The following FYCO1 variants were observed in gnomAD, a reference collection of about 807,000 sequenced individuals.
The protein encoded by FYCO1 is FYVE and coiled-coil domain-containing protein 1.
FYCO1 carries 122 observed loss-of-function variants against 165.1 expected under a neutral mutation model. The observed-to-expected ratio is 0.74, with a 90% CI of 0.64 to 0.86. The LOEUF is 0.86. Ranked by LOEUF, FYCO1 falls within the 40% of genes least tolerant of loss-of-function variation. The probability of loss-of-function intolerance (pLI) is 0.00; values close to 1 mark genes in which losing one functional copy is unlikely to be tolerated. For missense variants in FYCO1, 1,702 were observed against 1,810.3 expected, an observed-to-expected ratio of 0.94 and a Z score of 1.09; for synonymous variants, 648 against 742.5, an observed-to-expected ratio of 0.87 and a Z score of 2.07.
At chr3:45,947,096 C>A (rs1454195329) in intron 14 of FYCO1, 2 of 1,614,124 alleles carry the variant, frequency 1.2e-6, no homozygotes, top group Non-Finnish European at 1.7e-6. Context: ...TGCCACTGCT[C>A]ACCATGATTG....
chr3:45,973,762 T>A (rs188626409), intron 5 of FYCO1, among the ~76,000 whole-genome samples: 2 of 152,294 alleles, frequency 1.3e-5, no homozygotes, highest in Admixed American at 1.3e-4. Context: ...GTAACAAGAA[T>A]TTTAAAAAGA....
chr3:45,978,470 T>C lies in FYCO1; in HGVS notation c.288+1235A>G, dbSNP rs532747521. On this transcript the variant is annotated intron_variant, in intron 4 of 17. Coordinates refer to ENST00000296137, the MANE Select transcript of FYCO1 (RefSeq NM_024513.4). ...CGTCTCAGATGTCAGAGAGTGCAAA[T>C]GGTGGGAAATGTCCAGCCATTGATG... Among the ~76,000 whole-genome samples the C allele has an allele frequency of 2.6e-5, 4 of 152,250 alleles. No homozygotes were observed. The South Asian group carries it at 6.2e-4, about 24-fold the overall frequency.
intron 13 of FYCO1, among the ~76,000 whole-genome samples, chr3:45,955,851 T>C (rs1356763606): frequency 6.6e-6 from 1 of 152,210 alleles, no homozygotes; most frequent in African/African-American, 2.4e-5. Flanking sequence ...AATCCACTGA[T>C]GCGTGGGAAA....
intron 14 of FYCO1, among the ~76,000 whole-genome samples, chr3:45,953,970 A>G (rs965057887): frequency 9.9e-5 from 15 of 152,196 alleles, no homozygotes; most frequent in Non-Finnish European, 2.2e-4. Context: ...GTGTTTCCAA[A>G]AGATGAACTA....
intron 14 of FYCO1, among the ~76,000 whole-genome samples, chr3:45,943,758 C>G (rs577192784): frequency 3.3e-5 from 5 of 152,252 alleles, no homozygotes; most frequent in Non-Finnish European, 5.9e-5. Context: ...TTTCCAGGCA[C>G]ACAGTTAGTG....
chr3:45,947,715 G>C (rs1351702230), intron 14 of FYCO1: 1 of 558,894 alleles, frequency 1.8e-6, no homozygotes, highest in Non-Finnish European at 3.2e-6. Context: ...CCAAGTAGGG[G>C]GTCTAAAATT....
rs1437520022 is a variant in FYCO1, at chr3:45,973,211, C to A, written c.416G>T (p.Ser139Ile). The stretch of plus-strand genomic sequence containing the variant: ...GCTCAGCTTTGGCTGCAGAAAGGGG[C>A]TTCTTGCATAGTACCAGTCACTGCA... ...KVTSDWYYAR[S>I]PFLQPKLSSD... Residue 139 changes from serine (S) to isoleucine (I), a missense_variant, in exon 6 of 18, where the codon AGC (serine) becomes ATC (isoleucine). Coordinates refer to ENST00000296137, the MANE Select transcript of FYCO1 (RefSeq NM_024513.4). 1 of 1,614,176 alleles carries A rather than the reference C, an allele frequency of 6.2e-7. No homozygotes were observed.
At position 45,962,945 on chromosome 3, in the gene FYCO1, G is replaced by C. The variant is rs1705788506; in HGVS notation, c.3270-553C>G. 2.0e-5 allele frequency among the ~76,000 whole-genome samples: 3 copies of C among 152,100 alleles called. No homozygotes were observed. Among genetic ancestry groups the C allele is most frequent in the African/African-American group, 7.2e-5 (3 of 41,396 alleles). On this transcript the variant is annotated intron_variant, in intron 10 of 17. Transcript: ENST00000296137. The surrounding 1 kb of genome is among the most constrained non-coding windows in gnomAD (Gnocchi z 4.4). ...GGGAATTCCGTTTTGGGTGCTGCAG[G>C]GTGTCTCAGTCTATAGCAGAGGGAG... is the stretch of plus-strand genomic sequence containing the variant.
chr3:45,939,105 C>A (rs771886695), intron 14 of FYCO1, among the ~76,000 whole-genome samples: 2 of 152,222 alleles, frequency 1.3e-5, no homozygotes, highest in Non-Finnish European at 1.5e-5. Flanking sequence ...GATGGCATGC[C>A]ACCCTTTCCT....
chr3:45,966,475 C>T lies in FYCO1; in HGVS notation c.2859G>A (p.Gly953=). The T allele has an allele frequency of 3.7e-6, 6 of 1,610,376 alleles. No homozygotes were observed. Among genetic ancestry groups the T allele is most frequent in the Non-Finnish European group, 5.1e-6 (6 of 1,176,996 alleles). Residue 953 remains glycine (G), a synonymous_variant, in exon 8 of 18, where the codon GGG becomes GGA. Coordinates refer to ENST00000296137, the MANE Select transcript of FYCO1 (RefSeq NM_024513.4). Reference sequence around the variant, plus strand: ...GCAAGCTCTCCTTCTCTTGCTGCAGCCCAGCTACTTGGCGCTCCAGGCCCT... The same window carrying T: ...GCAAGCTCTCCTTCTCTTGCTGCAGTCCAGCTACTTGGCGCTCCAGGCCCT... ...EREGLERQVA[G]LQQEKESLQE...
intron 7 of FYCO1, among the ~76,000 whole-genome samples, chr3:45,969,291 T>G (rs1706287745): frequency 6.6e-6 from 1 of 152,210 alleles, no homozygotes; most frequent in Admixed American, 6.5e-5. Flanking sequence ...GCTTAAGAAG[T>G]GCATGCGCAC....
rs1575364543 is a variant in FYCO1 at position 45,962,910 on chromosome 3, C to G, written c.3270-518G>C. On this transcript the variant is annotated intron_variant, in intron 10 of 17. Coordinates refer to ENST00000296137, the MANE Select transcript of FYCO1 (RefSeq NM_024513.4). This position sits in a 1 kb window ranked among gnomAD's most constrained non-coding sequence, Gnocchi z 4.4. ...CCAGCTGTTCTACCTGATAGCCCCC[C>G]TGAGGCCCAGGGAATTCCGTTTTGG... Among the ~76,000 whole-genome samples the G allele has an allele frequency of 6.6e-6, 1 of 152,180 alleles. No homozygotes were observed. Among genetic ancestry groups the G allele is most frequent in the South Asian group, 2.1e-4 (1 of 4,828 alleles).
intron 13 of FYCO1, among the ~76,000 whole-genome samples, chr3:45,957,043 G>A (rs1274965792): frequency 6.6e-6 from 1 of 152,172 alleles, no homozygotes; most frequent in Non-Finnish European, 1.5e-5. Flanking sequence ...TAGGCACATA[G>A]ATAAATGGAA....
At chr3:45,925,331 T>A (rs1482556306) in intron 16 of FYCO1, among the ~76,000 whole-genome samples, 1 of 152,108 alleles carries the variant, frequency 6.6e-6, no homozygotes, top group East Asian at 1.9e-4. Flanking sequence ...CATAAATGGT[T>A]ATATGGACCA....
Position 45,921,553 on chromosome 3 carries a change from C to A in FYCO1, c.*212G>T. The A allele has an allele frequency of 1.8e-6, 1 of 569,286 alleles. No individual in the cohort carries two copies. The highest frequency in any genetic ancestry group is 3.2e-6 in the Non-Finnish European group (1 of 314,520). The allele number at this position is 569,286 out of a possible 1,614,324, so 35.3% of individuals were successfully genotyped here. A position where few individuals can be genotyped will look rare whatever the true frequency, so the allele number is the denominator to read the frequency against. On this transcript the variant is annotated 3_prime_UTR_variant, in exon 18 of 18. Transcript: ENST00000296137. ...CAGCTGAGTCTCTACTTAATGGAAA[C>A]ATTGCCTGAGCCCTTCAACGCCTCG... is the stretch of plus-strand genomic sequence containing the variant.
intron 14 of FYCO1, among the ~76,000 whole-genome samples, chr3:45,944,458 CTATTT>C (rs1438036559): frequency 6.6e-6 from 1 of 151,970 alleles, no homozygotes; most frequent in African/African-American, 2.4e-5. Flanking sequence ...TAAGTATATT[CTATTT>C]TATGTATGAA....
At chr3:45,983,591 A>G (rs190953155) in intron 2 of FYCO1, among the ~76,000 whole-genome samples, 2 of 152,330 alleles carry the variant, frequency 1.3e-5, no homozygotes, top group East Asian at 1.9e-4. Context: ...CCTCCCAATA[A>G]GGACCTCCAG....
chr3:45,966,917 T>TGGTCATCCAG lies in FYCO1; in HGVS notation c.2407_2416dup (p.Gln806ProfsTer3). On this transcript the variant is annotated stop_gained and frameshift_variant, in exon 8 of 18. Transcript: ENST00000296137. LOFTEE classifies it high-confidence loss of function. ...GCTTAGCTGGCTCTGCACCTTGTCCTGGTCATCCAGGGCTGCCCGCATCTT... is the reference window on the plus strand; with the variant it reads ...GCTTAGCTGGCTCTGCACCTTGTCCTGGTCATCCAGGGTCATCCAGGGCTGCCCGCATCTT... 6.2e-7 allele frequency: 1 copy of TGGTCATCCAG among 1,613,802 alleles called. No homozygotes were observed. The highest frequency in any genetic ancestry group is 8.5e-7 in the Non-Finnish European group (1 of 1,180,036).
In FYCO1 at chr3:45,923,660, A is replaced by G; in HGVS notation, c.4357T>C (p.Ser1453Pro). The change falls in exon 17 of 18, where the codon TCA (serine) becomes CCA (proline). Residue 1453 changes from serine (S) to proline (P), a missense_variant. Physicochemically the swap from Ser to Pro is moderately conservative, Grantham distance 74 (BLOSUM62 -1). Coordinates refer to ENST00000296137, the MANE Select transcript of FYCO1 (RefSeq NM_024513.4). ...TGGTGCCTGAGGTGGCCCTACCTTG[A>G]GAAGGTATTGTCGAAGATGAGCATG... ...IYMLIFDNTF[S>P]RFVSKKVFYH... 6.2e-7 allele frequency: 1 copy of G among 1,603,726 alleles called. No homozygotes were observed. The highest frequency in any genetic ancestry group is 8.5e-7 in the Non-Finnish European group (1 of 1,170,548).
Sources: allele counts gnomAD v4.1 joint callset (sites outside exome capture counted in the v4.1 genomes callset), GRCh38; gene constraint gnomAD v4.1.1; non-coding constraint Gnocchi (gnomAD v3.1); transcripts MANE v1.5; gene names NCBI Gene and HGNC (gene_info 2026-07-23, HGNC 2026-07-21).